PDE5A: variants seen among roughly 807,000 people sequenced by gnomAD.
The protein encoded by PDE5A is cGMP-specific 3',5'-cyclic phosphodiesterase.
A neutral mutation model predicts 110.2 loss-of-function variants in PDE5A; 67 were observed. The observed-to-expected ratio is 0.61, with a 90% CI of 0.50 to 0.75. PDE5A has a LOEUF of 0.75. Ranked by LOEUF, PDE5A falls within the 30% of genes least tolerant of loss-of-function variation. The pLI, the probability that PDE5A is intolerant of heterozygous loss-of-function variation, is 0.00. For missense variants in PDE5A, 862 were observed against 1,045.1 expected (o/e 0.82, Z 2.42); for synonymous variants, 328 against 351.2 (o/e 0.93, Z 0.74).
intron 5 of PDE5A, among the ~76,000 whole-genome samples, chr4:119,563,697 T>C (rs1460982629): frequency 6.6e-6 from 1 of 152,100 alleles, no homozygotes; most frequent in Non-Finnish European, 1.5e-5. Flanking sequence ...GGAGATGAGG[T>C]TGCAGCGTTA....
In PDE5A at chr4:119,501,252, T is replaced by C; in HGVS notation, c.2408A>G (p.Asp803Gly). The C allele has an allele frequency of 6.3e-7, 1 of 1,585,014 alleles. No individual in the cohort carries two copies. The highest frequency in any genetic ancestry group is 8.7e-7 in the Non-Finnish European group (1 of 1,153,766). ...GTTTTTCTTCTCCCTGTTCATTAGA[T>C]CCTGAAAATACAAATACAGACCAGA... The part of the protein sequence containing the change: ...ERKELNIEPT[D>G]LMNREKKNKI... Residue 803 changes from aspartate to glycine, a missense_variant and splice_region_variant, in exon 20 of 21, where the codon GAT (aspartate) becomes GGT (glycine). Asp to Gly is a moderately conservative substitution (Grantham distance 94). Coordinates refer to ENST00000354960, the MANE Select transcript of PDE5A (RefSeq NM_001083.4).
intron 2 of PDE5A, among the ~76,000 whole-genome samples, chr4:119,598,142 T>C (rs985142055): frequency 2.0e-5 from 3 of 152,180 alleles, no homozygotes; most frequent in African/African-American, 7.2e-5. Flanking sequence ...ACATCCTCAG[T>C]GTTACTTTGT....
At chr4:119,572,215 G>A (rs1728164631) in intron 3 of PDE5A, among the ~76,000 whole-genome samples, 2 of 152,182 alleles carry the variant, frequency 1.3e-5, no homozygotes, top group Non-Finnish European at 1.5e-5. Flanking sequence ...TCCTAGCCCT[G>A]CAATTAGATT....
intron 1 of PDE5A, among the ~76,000 whole-genome samples, chr4:119,608,884 A>G (rs1385329286): frequency 6.6e-6 from 1 of 152,170 alleles, no homozygotes; most frequent in Non-Finnish European, 1.5e-5. Flanking sequence ...TACTTAGGCC[A>G]GGCGCGGTGG....
chr4:119,608,936 C>T (rs554861295), intron 1 of PDE5A, among the ~76,000 whole-genome samples: 41 of 151,976 alleles, frequency 2.7e-4, no homozygotes, highest in Non-Finnish European at 3.2e-4. Context: ...CCGAGGCGGG[C>T]GGATCATGAG....
At chr4:119,556,049 T>C (rs1727526733) in intron 7 of PDE5A, among the ~76,000 whole-genome samples, 1 of 152,168 alleles carries the variant, frequency 6.6e-6, no homozygotes, top group Non-Finnish European at 1.5e-5. Context: ...GAGCTTACAA[T>C]CTAGTAGAAG....
intron 9 of PDE5A, chr4:119,543,376 CCT>C (rs1336032220): frequency 6.6e-6 from 1 of 152,022 alleles, no homozygotes; most frequent in East Asian, 1.9e-4. Flanking sequence ...ACCCAGCCTA[CCT>C]CTGTGTAAAC....
At chr4:119,506,802 TA>T (rs1405651957) in intron 16 of PDE5A, among the ~76,000 whole-genome samples, 5 of 151,968 alleles carry the variant, frequency 3.3e-5, no homozygotes, top group African/African-American at 1.2e-4. Flanking sequence ...CACATGCAGT[TA>T]CTTCTAGATG....
intron 11 of PDE5A, among the ~76,000 whole-genome samples, chr4:119,536,969 A>G (rs1261307044): frequency 2.0e-5 from 3 of 152,188 alleles, no homozygotes; most frequent in Non-Finnish European, 4.4e-5. Context: ...AGAACTTAAA[A>G]CACGCTCGGT....
At chr4:119,556,032 G>T (rs1727525541) in intron 7 of PDE5A, among the ~76,000 whole-genome samples, 1 of 152,170 alleles carries the variant, frequency 6.6e-6, no homozygotes, top group Non-Finnish European at 1.5e-5. Context: ...GTTAGTAACT[G>T]TCATAGGAGC....
At chr4:119,626,243 C>T (rs951157370) in intron 1 of PDE5A, among the ~76,000 whole-genome samples, 2 of 151,984 alleles carry the variant, frequency 1.3e-5, no homozygotes, top group Admixed American at 1.3e-4. Flanking sequence ...TCCTATGCTG[C>T]TTGGGAGAAA....
rs201112600 is a variant in PDE5A at position 119,562,827 on chromosome 4, A to G, written c.1131+6T>C. 1 of 1,559,580 alleles carries G rather than the reference A, an allele frequency of 6.4e-7. No individual in the cohort carries two copies. Among genetic ancestry groups the G allele is most frequent in the Non-Finnish European group, 8.6e-7 (1 of 1,159,310 alleles). On this transcript the variant is annotated splice_donor_region_variant and intron_variant, in intron 6 of 20. Coordinates refer to ENST00000354960, the MANE Select transcript of PDE5A (RefSeq NM_001083.4). Reference sequence around the variant, plus strand: ...TAAAAATAAAAAAGTCATACTCTGTACTCACGGAGCAATCTTCATCCACTA... The same window carrying G: ...TAAAAATAAAAAAGTCATACTCTGTGCTCACGGAGCAATCTTCATCCACTA...
chr4:119,613,281 A>C (rs1387784828), intron 1 of PDE5A, among the ~76,000 whole-genome samples: 2 of 152,216 alleles, frequency 1.3e-5, no homozygotes, highest in African/African-American at 4.8e-5. Context: ...ACTTATTTTC[A>C]TAATCTGTGG....
intron 3 of PDE5A, among the ~76,000 whole-genome samples, chr4:119,589,617 C>CT (rs199561338): frequency 5.9e-5 from 9 of 151,842 alleles, no homozygotes; most frequent in African/African-American, 1.9e-4. Flanking sequence ...ATACCTGTAA[C>CT]TTTTTTTTTC....
At chr4:119,498,936 C>T (rs527806558) in intron 20 of PDE5A, among the ~76,000 whole-genome samples, 198 bp from the exon 21 acceptor site, 34 of 152,288 alleles carry the variant, frequency 2.2e-4, no homozygotes, top group African/African-American at 7.9e-4. Context: ...GGAGTACATG[C>T]TGAGGGACAG....
intron 1 of PDE5A, among the ~76,000 whole-genome samples, chr4:119,623,500 A>G (rs1030038357): frequency 6.6e-6 from 1 of 152,204 alleles, no homozygotes; most frequent in Non-Finnish European, 1.5e-5. Context: ...GTTAATTTGT[A>G]TTTTCAAATC....
chr4:119,499,565 G>A (rs887271164), intron 20 of PDE5A: 2 of 151,760 alleles, frequency 1.3e-5, no homozygotes, highest in African/African-American at 4.8e-5. Flanking sequence ...TTTTAGGGCA[G>A]GGTTCCACTC....
intron 2 of PDE5A, among the ~76,000 whole-genome samples, chr4:119,601,530 T>G (rs991967384): frequency 4.0e-5 from 6 of 150,820 alleles, no homozygotes; most frequent in Non-Finnish European, 8.9e-5. Context: ...TTAATAAAAC[T>G]GTAATCATAA....
At chr4:119,534,134 C>T (rs1031328759) in intron 11 of PDE5A, among the ~76,000 whole-genome samples, 3 of 152,160 alleles carry the variant, frequency 2.0e-5, no homozygotes, top group Admixed American at 6.5e-5. Flanking sequence ...TTACATACAT[C>T]TACAAAAATC....
Sources: gnomAD v4.1 joint callset for allele counts (sites outside exome capture counted in the v4.1 genomes callset) on GRCh38, gnomAD v4.1.1 for gene constraint, MANE v1.5 for transcripts, NCBI Gene and HGNC (gene_info 2026-07-23, HGNC 2026-07-21) for gene names.